The following ATP9A variants were observed in gnomAD, a reference collection of about 807,000 sequenced individuals.
The protein encoded by ATP9A is probable phospholipid-transporting ATPase IIA.
ATP9A carries 52 observed loss-of-function variants against 144.1 expected under a neutral mutation model. That is an observed-to-expected ratio of 0.36 (90% CI 0.29 to 0.45). The LOEUF is 0.45. Ranked by LOEUF, ATP9A falls within the 20% of genes least tolerant of loss-of-function variation. The pLI, the probability that ATP9A is intolerant of heterozygous loss-of-function variation, is 1.00. For missense variants in ATP9A, 947 were observed against 1,392.7 expected (o/e 0.68, Z 5.09); for synonymous variants, 582 against 557.4 (o/e 1.04, Z -0.62).
chr20:51,709,835 T>C (rs1465384526), intron 4 of ATP9A, among the ~76,000 whole-genome samples: 1 of 152,218 alleles, frequency 6.6e-6, no homozygotes, highest in Non-Finnish European at 1.5e-5. Context: ...TTAGGAATTA[T>C]TGCAAAAACA....
intron 15 of ATP9A, among the ~76,000 whole-genome samples, chr20:51,629,812 T>TG (rs1217265113): frequency 6.6e-6 from 1 of 152,214 alleles, no homozygotes; most frequent in Admixed American, 6.5e-5. Flanking sequence ...TGTGTGCAGC[T>TG]GGACAAGCTA....
intron 1 of ATP9A, among the ~76,000 whole-genome samples, chr20:51,763,619 C>T (rs973499123): frequency 6.6e-6 from 1 of 152,098 alleles, no homozygotes; most frequent in African/African-American, 2.4e-5. Flanking sequence ...GGCCAGTTTA[C>T]ATACTTTCAA....
At chr20:51,714,298 T>C (rs1184421401) in intron 3 of ATP9A, among the ~76,000 whole-genome samples, 1 of 152,170 alleles carries the variant, frequency 6.6e-6, no homozygotes, top group South Asian at 2.1e-4. Context: ...TCCTCCTGCC[T>C]CAGCCTCCGG....
At chr20:51,662,594 A>AT (rs147164215) in intron 13 of ATP9A, among the ~76,000 whole-genome samples, 5,507 of 146,812 alleles carry the variant, frequency 0.038, 332 homozygotes, top group African/African-American at 0.13. Context: ...TGCTTTATTT[A>AT]TTTTTTTTTT....
intron 3 of ATP9A, among the ~76,000 whole-genome samples, chr20:51,720,114 C>A (rs2077682430): frequency 6.6e-6 from 1 of 152,138 alleles, no homozygotes; most frequent in African/African-American, 2.4e-5. Flanking sequence ...ATAAGCAACT[C>A]TGGAGGGAAG....
chr20:51,761,702 G>A (rs1481244345), intron 1 of ATP9A, among the ~76,000 whole-genome samples: 1 of 151,904 alleles, frequency 6.6e-6, no homozygotes, highest in Non-Finnish European at 1.5e-5. Flanking sequence ...GGAGCTTGCA[G>A]TGAGCCAAGG....
At chr20:51,708,422 G>C (rs2077623678) in intron 4 of ATP9A, among the ~76,000 whole-genome samples, 3 of 151,888 alleles carry the variant, frequency 2.0e-5, no homozygotes, top group Admixed American at 1.3e-4. Flanking sequence ...TCCTATTAAT[G>C]AGGATTTTAA....
chr20:51,687,774 A>AG (rs199920841), intron 9 of ATP9A, among the ~76,000 whole-genome samples: 15,010 of 120,222 alleles, frequency 0.12, 1,346 homozygotes, highest in African/African-American at 0.26. Flanking sequence ...AAAAAAAAAA[A>AG]AAATGAATGA....
intron 1 of ATP9A, among the ~76,000 whole-genome samples, chr20:51,738,406 A>G (rs886187997): frequency 6.6e-6 from 1 of 152,198 alleles, no homozygotes; most frequent in Admixed American, 6.5e-5. Context: ...AGCTCCATCG[A>G]AAGTGTATGC....
At chr20:51,612,297 G>A (rs1482245281) in intron 23 of ATP9A, among the ~76,000 whole-genome samples, 2 of 152,152 alleles carry the variant, frequency 1.3e-5, no homozygotes, top group Non-Finnish European at 2.9e-5. Flanking sequence ...TCAACTGGGA[G>A]CATTTTCACC....
At chr20:51,746,435 A>C (rs2077808507) in intron 1 of ATP9A, among the ~76,000 whole-genome samples, 4 of 152,216 alleles carry the variant, frequency 2.6e-5, no homozygotes. Context: ...ACGGTGGCTC[A>C]CGCCTGTAAT....
chr20:51,727,095 C>T (rs1022403235), intron 2 of ATP9A, among the ~76,000 whole-genome samples: 2 of 149,862 alleles, frequency 1.3e-5, no homozygotes, highest in Admixed American at 1.3e-4. Flanking sequence ...ATATCAAGAC[C>T]ATCCTGCCCA....
intron 1 of ATP9A, among the ~76,000 whole-genome samples, chr20:51,731,659 C>A (rs2077741986): frequency 2.0e-5 from 3 of 150,968 alleles, no homozygotes; most frequent in Non-Finnish European, 4.4e-5. Flanking sequence ...GCGGAGGTTG[C>A]AGTGAGCCAA....
chr20:51,664,336 C>T (rs1352090010), intron 13 of ATP9A, among the ~76,000 whole-genome samples: 5 of 152,104 alleles, frequency 3.3e-5, no homozygotes, highest in Admixed American at 6.6e-5. Flanking sequence ...CCTGTAATCC[C>T]AGCACTTTGA....
At chr20:51,641,252 A>T (rs2077317425) in intron 14 of ATP9A, among the ~76,000 whole-genome samples, 1 of 151,898 alleles carries the variant, frequency 6.6e-6, no homozygotes, top group Non-Finnish European at 1.5e-5. Context: ...CCAGCTACTC[A>T]GGAGGCTGAG....
intron 2 of ATP9A, among the ~76,000 whole-genome samples, chr20:51,727,425 A>G (rs1266331362): frequency 6.6e-6 from 1 of 151,988 alleles, no homozygotes; most frequent in African/African-American, 2.4e-5. Context: ...ATCACTACAA[A>G]AAATACAAAT....
chr20:51,614,228 C>A (rs1221685808), intron 22 of ATP9A, among the ~76,000 whole-genome samples: 1 of 152,248 alleles, frequency 6.6e-6, no homozygotes, highest in Non-Finnish European at 1.5e-5. Flanking sequence ...GAATACACAG[C>A]TCTGCACACT....
chr20:51,752,274 G>A (rs1028914892), intron 1 of ATP9A, among the ~76,000 whole-genome samples: 9 of 152,108 alleles, frequency 5.9e-5, no homozygotes, highest in Non-Finnish European at 4.4e-5. Context: ...AGTATTGGAC[G>A]ATGCCATTAA....
chr20:51,633,604 G>A (rs960303283), intron 15 of ATP9A, among the ~76,000 whole-genome samples: 11 of 152,100 alleles, frequency 7.2e-5, no homozygotes, highest in African/African-American at 2.7e-4. Context: ...AACTTAGCTG[G>A]GTGTGGCAGT....
Sources: gnomAD v4.1 joint callset for allele counts (sites outside exome capture counted in the v4.1 genomes callset) on GRCh38, gnomAD v4.1.1 for gene constraint, MANE v1.5 for transcripts, NCBI Gene and HGNC (gene_info 2026-07-23, HGNC 2026-07-21) for gene names.